The following MAEL variants were observed in gnomAD, a reference collection of about 807,000 sequenced individuals.
MAEL encodes maelstrom spermatogenic transposon silencer.
Under a neutral mutation model 62.0 loss-of-function variants are expected in MAEL, and 46 were observed. The observed-to-expected ratio is 0.74, with a 90% confidence interval of 0.59 to 0.95. The LOEUF (loss-of-function observed/expected upper bound fraction) is 0.95. Among genes scored for constraint, MAEL ranks in the 40% least tolerant of loss-of-function variants. The probability of loss-of-function intolerance (pLI) is 0.00; values close to 1 mark genes in which losing one functional copy is unlikely to be tolerated. For missense variants in MAEL, 497 were observed against 526.8 expected (o/e 0.94, Z 0.55); for synonymous variants, 172 against 175.5 (o/e 0.98, Z 0.16).
intron 9 of MAEL, among the ~76,000 whole-genome samples, chr1:167,017,203 G>A (rs926364903): frequency 9.9e-5 from 15 of 152,118 alleles, no homozygotes; most frequent in African/African-American, 3.1e-4. Flanking sequence ...TCCATGATGC[G>A]ATTACTACAC....
intron 1 of MAEL, among the ~76,000 whole-genome samples, chr1:166,983,618 T>C (rs1309475526): frequency 6.6e-6 from 1 of 152,176 alleles, no homozygotes; most frequent in Non-Finnish European, 1.5e-5. Context: ...CCCTTTAGAA[T>C]TTCTGAATAG....
At chr1:167,005,426 A>G (rs1664851936) in intron 8 of MAEL, 29 bp downstream of exon 8, 1 of 1,564,316 alleles carries the variant, frequency 6.4e-7, no homozygotes, top group African/African-American at 1.4e-5. Flanking sequence ...TTTTAGAGTC[A>G]TTTTGACTTA....
At chr1:167,016,413 G>A in intron 9 of MAEL, 129 bp downstream of exon 9, 4 of 794,062 alleles carry the variant, frequency 5.0e-6, no homozygotes, top group South Asian at 1.6e-5. Context: ...AACAAAGGGG[G>A]TCAAATCAAA....
chr1:166,999,354 G>A (rs942662250), intron 5 of MAEL, among the ~76,000 whole-genome samples: 2 of 152,194 alleles, frequency 1.3e-5, no homozygotes, highest in African/African-American at 4.8e-5. Flanking sequence ...TATGAAGAAA[G>A]TTTTAGTGGT....
rs1456589320 is a variant in MAEL at position 167,006,635 on chromosome 1, A to G, written c.845+1238A>G. On this transcript the variant is annotated intron_variant, in intron 8 of 11. Coordinates refer to ENST00000367872, the MANE Select transcript of MAEL (RefSeq NM_032858.3). ...TATATATATATATATATATATATAT[A>G]TACATTTTTTTTTTTTTTGAGACAG... Among the ~76,000 whole-genome samples the G allele has an allele frequency of 5.5e-5, 5 of 91,008 alleles. No homozygotes were observed. In the East Asian group the frequency reaches 1.1e-3, roughly 19 times the overall value. 59.7% of individuals were successfully genotyped at this position (91,008 alleles called of 152,430 possible). A position where few individuals can be genotyped will look rare whatever the true frequency, so the allele number is the denominator to read the frequency against.
intron 5 of MAEL, among the ~76,000 whole-genome samples, chr1:166,999,968 A>G (rs954038637): frequency 6.7e-6 from 1 of 150,254 alleles, no homozygotes; most frequent in Admixed American, 6.6e-5. Context: ...GCTGCTCAGA[A>G]AAAAAAAAAG....
At chr1:166,976,587 T>C (rs1663589076) in intron 1 of MAEL, among the ~76,000 whole-genome samples, 2 of 152,070 alleles carry the variant, frequency 1.3e-5, no homozygotes, top group Non-Finnish European at 1.5e-5. Flanking sequence ...TGAGCTGGCA[T>C]TTGCAGAAAG....
chr1:166,977,700 T>C (rs945031703), intron 1 of MAEL, among the ~76,000 whole-genome samples: 8 of 152,198 alleles, frequency 5.3e-5, no homozygotes, highest in Non-Finnish European at 1.2e-4. Flanking sequence ...ACACCTGTAA[T>C]CTCAGCACTT....
intron 9 of MAEL, 22 bp from the exon 10 acceptor site, chr1:167,017,801 TAGTG>T: frequency 6.3e-7 from 1 of 1,582,614 alleles, no homozygotes; most frequent in Non-Finnish European, 8.6e-7. Context: ...TAGATTCTGA[TAGTG>T]AGATTTTTAT....
chr1:166,999,640 C>A (rs979264295), intron 5 of MAEL, among the ~76,000 whole-genome samples: 5 of 152,180 alleles, frequency 3.3e-5, no homozygotes, highest in African/African-American at 1.2e-4. Flanking sequence ...GTGGCTACAG[C>A]AAATGGCAGA....
chr1:167,012,689 G>T (rs955419447), intron 8 of MAEL, among the ~76,000 whole-genome samples: 1 of 152,202 alleles, frequency 6.6e-6, no homozygotes, highest in Non-Finnish European at 1.5e-5. Flanking sequence ...TTATAGAATG[G>T]TCAAGAAGAA....
chr1:166,999,263 A>G (rs1454323075), intron 5 of MAEL, among the ~76,000 whole-genome samples: 1 of 152,228 alleles, frequency 6.6e-6, no homozygotes, highest in Non-Finnish European at 1.5e-5. Flanking sequence ...TGTGAATGCA[A>G]AGGGAATGTT....
upstream of MAEL, among the ~76,000 whole-genome samples, chr1:166,984,495 A>G (rs1006088659): frequency 6.6e-6 from 1 of 152,220 alleles, no homozygotes. Flanking sequence ...ACATATACAT[A>G]TTTTGAAATA....
In MAEL at chr1:167,005,350, T is replaced by C. The variant is rs746658088; in HGVS notation, c.798T>C (p.Ile266=). 44 of 1,613,720 alleles carry C rather than the reference T, an allele frequency of 2.7e-5. No homozygotes were observed. The South Asian group carries it at 4.7e-4, about 17-fold the overall frequency. ...TCAAGGAGCCCTCTAAGACTTGGAT[T>C]CGAAGCCTCCTAGATGTGGCCATGT... ...KFLKEPSKTW[I]RSLLDVAMWD... is the part of the protein sequence containing the mutation. Residue 266 remains isoleucine, a synonymous_variant, in exon 8 of 12, where the codon ATT becomes ATC. Transcript: ENST00000367872.
At chr1:166,986,919 ATAAT>A (rs963833222), upstream of MAEL, among the ~76,000 whole-genome samples, 103 of 150,318 alleles carry the variant, frequency 6.9e-4, no homozygotes, top group African/African-American at 2.4e-3. Context: ...GAAGGCATAA[ATAAT>A]TAGGAATGAA....
intron 5 of MAEL, among the ~76,000 whole-genome samples, chr1:167,003,598 A>G (rs1664768468): frequency 6.6e-6 from 1 of 152,244 alleles, no homozygotes; most frequent in Non-Finnish European, 1.5e-5. Flanking sequence ...TTGGCAAATG[A>G]TCCAGAGGAA....
At chr1:166,979,954 A>G (rs528227120) in intron 1 of MAEL, among the ~76,000 whole-genome samples, 5 of 152,330 alleles carry the variant, frequency 3.3e-5, no homozygotes, top group East Asian at 3.9e-4. Flanking sequence ...AAGGAAATAA[A>G]TGAGTAACAA....
Position 167,016,377 on chromosome 1 carries a change from ACT to A in MAEL, c.908+96_908+97del, listed in dbSNP as rs1330013563. On this transcript the variant is annotated intron_variant, in intron 9 of 11. Coordinates refer to ENST00000367872, the MANE Select transcript of MAEL (RefSeq NM_032858.3). ...TGCTATAGCTTTGGCAATCGGGGTA[ACT>A]CTGTTTCCACAATGCTCTTTCAAAA... 31 of 1,157,734 alleles carry A rather than the reference ACT, an allele frequency of 2.7e-5. No homozygotes were observed. The South Asian group carries it at 3.2e-4, about 12-fold the overall frequency. 71.7% of individuals were successfully genotyped at this position (1,157,734 alleles called of 1,614,324 possible).
chr1:166,978,609 G>A (rs546043778), intron 1 of MAEL, among the ~76,000 whole-genome samples: 34 of 152,214 alleles, frequency 2.2e-4, no homozygotes, highest in African/African-American at 8.2e-4. Context: ...ACTCCAGGTG[G>A]AGCCCATAAA....
Sources: allele counts gnomAD v4.1 joint callset (sites outside exome capture counted in the v4.1 genomes callset), GRCh38; gene constraint gnomAD v4.1.1; transcripts MANE v1.5; gene names NCBI Gene and HGNC (gene_info 2026-07-23, HGNC 2026-07-21).